Variants in PDGFD observed in about 807,000 individuals in gnomAD.
The protein encoded by PDGFD is platelet-derived growth factor D.
In PDGFD, 30 loss-of-function variants were observed where a neutral mutation model predicts 44.7. That is an observed-to-expected ratio of 0.67 (90% CI 0.50 to 0.91). The LOEUF (loss-of-function observed/expected upper bound fraction) is 0.91, where lower values mean the gene tolerates loss of function less well. Among genes scored for constraint, PDGFD ranks in the 40% least tolerant of loss-of-function variants. The pLI, the probability that PDGFD is intolerant of heterozygous loss-of-function variation, is 0.00. For missense variants in PDGFD, 445 were observed against 457.8 expected (o/e 0.97, Z 0.25); for synonymous variants, 173 against 168.4 (o/e 1.03, Z -0.21).
intron 3 of PDGFD, among the ~76,000 whole-genome samples, chr11:103,960,613 T>A (rs1858920941): frequency 6.6e-6 from 1 of 152,210 alleles, no homozygotes; most frequent in African/African-American, 2.4e-5. Context: ...AATGTCCTAC[T>A]CTTGTCATTC....
intron 6 of PDGFD, among the ~76,000 whole-genome samples, chr11:103,925,673 GTCTGTGTATA>G (rs1858297352): frequency 8.5e-6 from 1 of 117,586 alleles, no homozygotes. Context: ...ATGTGTGTGT[GTCTGTGTATA>G]TATATATATA....
intron 1 of PDGFD, among the ~76,000 whole-genome samples, chr11:104,140,256 A>G (rs987898276): frequency 6.6e-6 from 1 of 152,194 alleles, no homozygotes; most frequent in Non-Finnish European, 1.5e-5. Context: ...AGTCATTACC[A>G]TAAAACAAAG....
At chr11:103,913,567 C>A (rs1309368353) in intron 6 of PDGFD, among the ~76,000 whole-genome samples, 1 of 152,114 alleles carries the variant, frequency 6.6e-6, no homozygotes, top group Non-Finnish European at 1.5e-5. Context: ...CTAAAATAGA[C>A]ACCTTAACAT....
At chr11:103,919,806 G>A (rs1222112251) in intron 6 of PDGFD, among the ~76,000 whole-genome samples, 1 of 151,552 alleles carries the variant, frequency 6.6e-6, no homozygotes, top group Non-Finnish European at 1.5e-5. Context: ...ACTGCGCCCG[G>A]TCTCTTCCTA....
In PDGFD at chr11:104,025,438, T is replaced by C. The variant is rs761238307; in HGVS notation, c.125-25183A>G. ...AACACAACACAATGGATACAATGGA[T>C]AAAATATAAAACCCTCCCACGCCTG... On this transcript the variant is annotated intron_variant, in intron 1 of 6. Transcript: ENST00000393158. Among the ~76,000 whole-genome samples, 13 of 152,100 alleles carry C rather than the reference T, an allele frequency of 8.5e-5. 1 individual carries two copies. Among genetic ancestry groups the C allele is most frequent in the Non-Finnish European group, 1.8e-4 (12 of 68,008 alleles).
At chr11:104,062,780 A>G (rs528444962) in intron 1 of PDGFD, among the ~76,000 whole-genome samples, 22 of 152,358 alleles carry the variant, frequency 1.4e-4, no homozygotes, top group South Asian at 4.1e-4. Flanking sequence ...GAAAACAAAA[A>G]TGCCTTTAAT....
In PDGFD at chr11:103,950,394, C is replaced by CA. The variant is rs375762671; in HGVS notation, c.511-2671dup. On this transcript the variant is annotated intron_variant, in intron 3 of 6. Transcript: ENST00000393158. ...TGAAAACTCATCTCTACTAATAATA[C>CA]AAAAAAAAAAAAAAAAAAAATTAGC... Among the ~76,000 whole-genome samples the CA allele has an allele frequency of 4.4e-3, 477 of 107,732 alleles. 3 individuals carry two copies. Among genetic ancestry groups the CA allele is most frequent in the South Asian group, 0.013 (46 of 3,454 alleles). The allele number at this position is 107,732 out of a possible 152,430, so 70.7% of individuals were successfully genotyped here.
At chr11:104,053,817 G>T (rs772203891) in intron 1 of PDGFD, among the ~76,000 whole-genome samples, 1 of 152,148 alleles carries the variant, frequency 6.6e-6, no homozygotes, top group African/African-American at 2.4e-5. Flanking sequence ...TATAAAATTG[G>T]ATGGAACAAT....
intron 1 of PDGFD, among the ~76,000 whole-genome samples, chr11:104,088,014 G>A (rs1861159394): frequency 6.6e-6 from 1 of 152,184 alleles, no homozygotes; most frequent in Admixed American, 6.5e-5. Flanking sequence ...GAAGGAAGCT[G>A]AAGGCTTTAT....
chr11:103,911,151 G>A (rs896777793), intron 6 of PDGFD, among the ~76,000 whole-genome samples: 12 of 152,174 alleles, frequency 7.9e-5, no homozygotes, highest in African/African-American at 2.7e-4. Flanking sequence ...GTGGCTGTGG[G>A]TGCAGCTTCT....
At chr11:104,134,720 G>C (rs2119853353) in intron 1 of PDGFD, among the ~76,000 whole-genome samples, 1 of 152,274 alleles carries the variant, frequency 6.6e-6, no homozygotes, top group African/African-American at 2.4e-5. Flanking sequence ...TGGAAGTTGA[G>C]GCAGTATGTT....
intron 1 of PDGFD, among the ~76,000 whole-genome samples, chr11:104,093,429 G>T (rs1861239328): frequency 6.6e-6 from 1 of 152,074 alleles, no homozygotes; most frequent in African/African-American, 2.4e-5. Context: ...GAGCCAAGGG[G>T]TTCCTCTAGG....
chr11:104,063,557 A>G (rs1343990689), intron 1 of PDGFD, among the ~76,000 whole-genome samples: 2 of 152,142 alleles, frequency 1.3e-5, no homozygotes, highest in African/African-American at 4.8e-5. Context: ...CCGTTTTCAC[A>G]CTGCTATAAA....
At chr11:104,120,701 TC>T (rs367976045) in intron 1 of PDGFD, among the ~76,000 whole-genome samples, 37 of 151,952 alleles carry the variant, frequency 2.4e-4, no homozygotes, top group African/African-American at 8.9e-4. Context: ...TAAAGAGTCA[TC>T]CCTGCAGGGG....
At chr11:103,984,844 T>C (rs966240958) in intron 3 of PDGFD, among the ~76,000 whole-genome samples, 1 of 143,184 alleles carries the variant, frequency 7.0e-6, no homozygotes, top group Admixed American at 7.2e-5. Context: ...ATTAATTTAT[T>C]TAATATATAA....
At chr11:104,089,472 G>T (rs1421052887) in intron 1 of PDGFD, among the ~76,000 whole-genome samples, 2 of 152,000 alleles carry the variant, frequency 1.3e-5, no homozygotes, top group Admixed American at 1.3e-4. Flanking sequence ...TTTCATGTAG[G>T]TTTGATGTTG....
chr11:104,064,782 TG>T (rs2134416574), intron 1 of PDGFD, among the ~76,000 whole-genome samples: 1 of 125,538 alleles, frequency 8.0e-6, no homozygotes, highest in South Asian at 2.8e-4. Flanking sequence ...ATTCTGATTT[TG>T]CCTTCTAACT....
chr11:103,944,919 A>G (rs1348600690), intron 4 of PDGFD, among the ~76,000 whole-genome samples: 1 of 152,178 alleles, frequency 6.6e-6, no homozygotes, highest in Non-Finnish European at 1.5e-5. Context: ...AGGGTGAAAT[A>G]GACCGATGAA....
chr11:104,059,416 C>G (rs1265602062), intron 1 of PDGFD, among the ~76,000 whole-genome samples: 1 of 152,094 alleles, frequency 6.6e-6, no homozygotes, highest in Non-Finnish European at 1.5e-5. Context: ...CTTTATCATC[C>G]ATTATTTTGA....
Sources: allele counts gnomAD v4.1 joint callset (sites outside exome capture counted in the v4.1 genomes callset), GRCh38; gene constraint gnomAD v4.1.1; transcripts MANE v1.5; gene names NCBI Gene and HGNC (gene_info 2026-07-23, HGNC 2026-07-21).